PATJ: variants seen among roughly 807,000 people sequenced by gnomAD.
The protein encoded by PATJ is inaD-like protein.
In PATJ, 190 loss-of-function variants were observed where a neutral mutation model predicts 224.9. The ratio of observed to expected loss-of-function variants is 0.84; its 90% CI spans 0.75 to 0.95. The LOEUF (loss-of-function observed/expected upper bound fraction) is 0.95, where lower values mean the gene tolerates loss of function less well. PATJ is among the 40% of genes least tolerant of loss of function. The pLI, the probability that PATJ is intolerant of heterozygous loss-of-function variation, is 0.00. For synonymous variants in PATJ, 769 were observed against 820.3 expected (o/e 0.94, Z 1.07); for missense variants, 2,121 against 2,270.3 (o/e 0.93, Z 1.34).
At chr1:62,130,893 T>C (rs1666195537) in intron 41 of PATJ, among the ~76,000 whole-genome samples, 1 of 152,122 alleles carries the variant, frequency 6.6e-6, no homozygotes, top group Non-Finnish European at 1.5e-5. Flanking sequence ...AGAAGCAATT[T>C]GTGGTGTTTT....
chr1:62,150,880 C>T (rs946318456), intron 42 of PATJ, among the ~76,000 whole-genome samples: 8 of 152,098 alleles, frequency 5.3e-5, no homozygotes, highest in Admixed American at 2.6e-4. Flanking sequence ...TGGTGGCTTA[C>T]GCCTGTAATC....
intron 33 of PATJ, among the ~76,000 whole-genome samples, chr1:62,089,176 C>T (rs1345938421): frequency 1.3e-5 from 2 of 151,970 alleles, no homozygotes; most frequent in African/African-American, 4.8e-5. Context: ...TTGCTTTTGC[C>T]GCTGTTAATC....
intron 33 of PATJ, among the ~76,000 whole-genome samples, chr1:62,087,643 T>C (rs559064795): frequency 6.9e-4 from 105 of 151,804 alleles, no homozygotes; most frequent in African/African-American, 1.9e-3. Context: ...TTTCCTACCA[T>C]TGGGCCCCGT....
chr1:61,983,923 C>G (rs1423460307), intron 27 of PATJ, among the ~76,000 whole-genome samples: 1 of 151,654 alleles, frequency 6.6e-6, no homozygotes, highest in Non-Finnish European at 1.5e-5. Flanking sequence ...CTCCTGGGCT[C>G]AAGCAGTCAT....
rs1669995344 is a variant in PATJ at position 62,163,771 on chromosome 1, A to G, written c.*2717A>G. ...AAGTAGTGCTCTTATATTTGGCCTCATCATTTGGGCCATTTCAGTATAGTA... is the reference window on the plus strand; with the variant it reads ...AAGTAGTGCTCTTATATTTGGCCTCGTCATTTGGGCCATTTCAGTATAGTA... On this transcript the variant is annotated 3_prime_UTR_variant, in exon 44 of 44. Coordinates refer to ENST00000642238, the MANE Select transcript of PATJ (RefSeq NM_001350145.3). The G allele has an allele frequency of 6.6e-6, 1 of 152,202 alleles. No individual in the cohort carries two copies. The highest frequency in any genetic ancestry group is 2.1e-4 in the South Asian group (1 of 4,834). 9.4% of individuals were successfully genotyped at this position (152,202 alleles called of 1,614,324 possible). A position where few individuals can be genotyped will look rare whatever the true frequency, so the allele number is the denominator to read the frequency against.
chr1:61,946,428 A>G (rs1228509477), intron 27 of PATJ, among the ~76,000 whole-genome samples: 7 of 152,208 alleles, frequency 4.6e-5, no homozygotes. Context: ...ATCAGAGAAT[A>G]CTATAAACAC....
chr1:62,102,484 A>T (rs1558170089), intron 33 of PATJ, among the ~76,000 whole-genome samples: 1 of 152,232 alleles, frequency 6.6e-6, no homozygotes, highest in African/African-American at 2.4e-5. Flanking sequence ...CTTAGAAAAA[A>T]ATCATTAAGT....
chr1:61,940,640 C>T (rs190634304), intron 27 of PATJ, among the ~76,000 whole-genome samples: 115 of 150,632 alleles, frequency 7.6e-4, no homozygotes, highest in African/African-American at 2.5e-3. Flanking sequence ...CACTTGAACC[C>T]GGGAGGTGGA....
intron 1 of PATJ, among the ~76,000 whole-genome samples, chr1:61,744,998 G>A (rs1644952723): frequency 6.6e-6 from 1 of 152,140 alleles, no homozygotes; most frequent in Non-Finnish European, 1.5e-5. Context: ...CACAGGGTGA[G>A]GTATGAGAAG....
chr1:62,113,727 C>T (rs1171834656), intron 34 of PATJ, among the ~76,000 whole-genome samples: 2 of 152,118 alleles, frequency 1.3e-5, no homozygotes, highest in Admixed American at 6.5e-5. Flanking sequence ...TAGTTATTTC[C>T]CTTTTATCTC....
At chr1:62,014,623 G>A (rs145786531) in intron 28 of PATJ, among the ~76,000 whole-genome samples, 32 of 120,488 alleles carry the variant, frequency 2.7e-4, no homozygotes, top group African/African-American at 9.9e-4. Context: ...CTAGAGTGCT[G>A]TGGCACAATC....
chr1:61,954,708 ATTTAC>A (rs1680182409), intron 27 of PATJ, among the ~76,000 whole-genome samples: 1 of 150,802 alleles, frequency 6.6e-6, no homozygotes, highest in South Asian at 2.1e-4. Flanking sequence ...TTTTTAAACA[ATTTAC>A]TTTTATCTTT....
chr1:62,135,571 T>G (rs1380976545), intron 41 of PATJ, among the ~76,000 whole-genome samples: 1 of 146,656 alleles, frequency 6.8e-6, no homozygotes, highest in African/African-American at 2.5e-5. Context: ...AGTGATAAAC[T>G]GCAGGAAAAG....
intron 4 of PATJ, among the ~76,000 whole-genome samples, chr1:61,766,864 G>A (rs550137099): frequency 2.0e-5 from 3 of 152,240 alleles, no homozygotes; most frequent in African/African-American, 7.2e-5. Flanking sequence ...AGGCCGAGGA[G>A]GGTGGATCAC....
At chr1:61,994,407 G>C (rs182439186) in intron 28 of PATJ, among the ~76,000 whole-genome samples, 1 of 151,990 alleles carries the variant, frequency 6.6e-6, no homozygotes, top group Admixed American at 6.6e-5. Flanking sequence ...TTTTTTCAGC[G>C]TTGTATAGCT....
intron 1 of PATJ, among the ~76,000 whole-genome samples, 182 bp downstream of exon 1, chr1:61,742,737 A>T (rs1644820552): frequency 6.6e-6 from 1 of 150,676 alleles, no homozygotes; most frequent in East Asian, 2.0e-4. Context: ...CCGGGCGCTC[A>T]GAGGGGCCGC....
intron 33 of PATJ, among the ~76,000 whole-genome samples, chr1:62,094,823 A>G (rs1392266422): frequency 6.6e-6 from 1 of 152,192 alleles, no homozygotes; most frequent in Non-Finnish European, 1.5e-5. Flanking sequence ...ATTAGGATAT[A>G]TAGACTAGCT....
rs189887625 is a variant in PATJ, at chr1:61,827,555, G to T, written c.1952G>T (p.Arg651Leu). 21 of 1,613,674 alleles carry T rather than the reference G, an allele frequency of 1.3e-5. No individual in the cohort carries two copies. The highest frequency in any genetic ancestry group is 1.5e-5 in the Non-Finnish European group (18 of 1,179,802). The change falls in exon 16 of 44, where the codon CGC becomes CTC. Residue 651 changes from arginine to leucine, a missense_variant. By Grantham distance (102) the Arg-to-Leu change is moderately radical. Coordinates refer to ENST00000642238, the MANE Select transcript of PATJ (RefSeq NM_001350145.3). ...GAAGCTTCTGTAGATGAACCAAGGC[G>T]CACTGAAACCTCTCTTCCTGAGACA... ...DDEASVDEPR[R>L]TETSLPETEV...
Position 62,116,565 on chromosome 1 carries a change from G to C in PATJ, c.4689G>C (p.Val1563=), listed in dbSNP as rs1167259978. 6.2e-7 allele frequency: 1 copy of C among 1,614,082 alleles called. No homozygotes were observed. The highest frequency in any genetic ancestry group is 2.2e-5 in the East Asian group (1 of 44,876). ...NGSGVFISDI[V]KGGAADLDGR... is the part of the protein sequence containing the mutation. ...GCGGAGTGTTTATTTCTGACATCGT[G>C]AAAGGCGGAGCCGCAGACCTGGATG... Residue 1563 remains valine, a synonymous_variant, in exon 36 of 44, where the codon GTG becomes GTC. Coordinates refer to ENST00000642238, the MANE Select transcript of PATJ (RefSeq NM_001350145.3).
Sources: gnomAD v4.1 joint callset for allele counts (sites outside exome capture counted in the v4.1 genomes callset) on GRCh38, gnomAD v4.1.1 for gene constraint, MANE v1.5 for transcripts, NCBI Gene and HGNC (gene_info 2026-07-23, HGNC 2026-07-21) for gene names.